Variants in XKR9 observed in about 807,000 individuals in gnomAD.
XKR9 encodes XK related 9.
In XKR9, 32 loss-of-function variants were observed where a neutral mutation model predicts 32.0. The ratio of observed to expected loss-of-function variants is 1.00; its 90% CI spans 0.76 to 1.34. The LOEUF is 1.34. Among genes scored for constraint, XKR9 ranks in the 40% most tolerant of loss-of-function variants. The pLI, the probability that XKR9 is intolerant of heterozygous loss-of-function variation, is 0.00. For missense variants in XKR9, 546 were observed against 429.7 expected, an observed-to-expected ratio of 1.27 and a Z score of -2.39; for synonymous variants, 168 against 143.4, an observed-to-expected ratio of 1.17 and a Z score of -1.22.
downstream of XKR9, among the ~76,000 whole-genome samples, chr8:70,739,506 C>G (rs1055535254): frequency 2.0e-5 from 3 of 152,150 alleles, no homozygotes; most frequent in African/African-American, 7.2e-5. Context: ...TTGATCCTGT[C>G]ATTATGATGT....
At chr8:71,045,085 G>A in the XKR9 span, among the ~76,000 whole-genome samples, 1 of 152,072 alleles carries the variant, frequency 6.6e-6, no homozygotes, top group Admixed American at 6.6e-5. Context: ...CTAGGTGTGG[G>A]GAGGAGGAGT....
intron 4 of XKR9, among the ~76,000 whole-genome samples, chr8:70,727,053 A>T (rs1249476584): frequency 6.6e-6 from 1 of 152,208 alleles, no homozygotes; most frequent in Non-Finnish European, 1.5e-5. Flanking sequence ...CTGCATTGAC[A>T]TGGTTAAATT....
intron 2 of XKR9, among the ~76,000 whole-genome samples, chr8:70,677,216 G>A (rs1320086654): frequency 6.9e-6 from 1 of 145,364 alleles, no homozygotes; most frequent in African/African-American, 2.4e-5. Flanking sequence ...TGCCATATCA[G>A]TTCACTGCAA....
At chr8:70,722,884 AT>A (rs772603876) in intron 4 of XKR9, among the ~76,000 whole-genome samples, 4 of 148,582 alleles carry the variant, frequency 2.7e-5, no homozygotes, top group African/African-American at 7.4e-5. Flanking sequence ...ATATCCTGAA[AT>A]TTTTTTTTTT....
chr8:70,674,544 T>C (rs1818822650), intron 1 of XKR9, among the ~76,000 whole-genome samples: 1 of 152,262 alleles, frequency 6.6e-6, no homozygotes, highest in Non-Finnish European at 1.5e-5. Context: ...AAACATGACA[T>C]GTTATCCATT....
At chr8:70,680,119 T>C (rs1819024745) in intron 2 of XKR9, among the ~76,000 whole-genome samples, 1 of 152,104 alleles carries the variant, frequency 6.6e-6, no homozygotes, top group Non-Finnish European at 1.5e-5. Flanking sequence ...ATAAATAGTA[T>C]ACAGTATTTA....
intron 2 of XKR9, among the ~76,000 whole-genome samples, chr8:70,759,953 G>C (rs1807285509): frequency 6.6e-6 from 1 of 152,086 alleles, no homozygotes; most frequent in South Asian, 2.1e-4. Context: ...AAAGACTACA[G>C]CTTATTTTAA....
At chr8:71,049,586 G>T in the XKR9 span, among the ~76,000 whole-genome samples, 1 of 152,302 alleles carries the variant, frequency 6.6e-6, no homozygotes. Context: ...TCAGAGCTCT[G>T]TTAACATACA....
the XKR9 span, among the ~76,000 whole-genome samples, chr8:70,993,225 C>T: frequency 6.6e-6 from 1 of 152,182 alleles, no homozygotes; most frequent in Non-Finnish European, 1.5e-5. Flanking sequence ...CGGTCTGTGT[C>T]CACAAGCTGA....
At chr8:70,711,244 T>G (rs1805909697) in intron 4 of XKR9, among the ~76,000 whole-genome samples, 1 of 152,144 alleles carries the variant, frequency 6.6e-6, no homozygotes, top group Non-Finnish European at 1.5e-5. Context: ...TAAAACAGAA[T>G]TACCATTCAA....
chr8:71,038,031 C>G, the XKR9 span, among the ~76,000 whole-genome samples: 1 of 152,230 alleles, frequency 6.6e-6, no homozygotes, highest in Admixed American at 6.5e-5. Flanking sequence ...GTACTGAAAG[C>G]AGGTGTGTAT....
the XKR9 span, among the ~76,000 whole-genome samples, chr8:70,855,204 G>A: frequency 6.6e-5 from 10 of 151,902 alleles, no homozygotes; most frequent in Admixed American, 2.0e-4. Flanking sequence ...AGTTTGAACC[G>A]ATGGCAAAGA....
chr8:70,897,829 A>G, the XKR9 span, among the ~76,000 whole-genome samples: 3 of 151,898 alleles, frequency 2.0e-5, no homozygotes, highest in African/African-American at 7.3e-5. Flanking sequence ...TTATCTCTTC[A>G]CTTTGTGGAT....
the XKR9 span, among the ~76,000 whole-genome samples, chr8:71,039,324 C>T: frequency 2.0e-5 from 3 of 152,332 alleles, no homozygotes; most frequent in East Asian, 5.8e-4. Flanking sequence ...ATGTCCCAAA[C>T]ATCATAGGTG....
chr8:70,735,020 C>G lies in XKR9; in HGVS notation c.*596C>G, dbSNP rs1806818399. On this transcript the variant is annotated 3_prime_UTR_variant, in exon 5 of 5. Transcript: ENST00000408926. ...TTCCTAGCTTTTCTGAATTAATGCA[C>G]TCTTAACATATAATTATATTAATCC... is the stretch of plus-strand genomic sequence containing the variant. 1 of 152,148 alleles carries G rather than the reference C, an allele frequency of 6.6e-6. No homozygotes were observed. The allele number at this position is 152,148 out of a possible 1,614,324, so 9.4% of individuals were successfully genotyped here.
At chr8:70,774,008 C>G (rs1807487350) in intron 2 of XKR9, among the ~76,000 whole-genome samples, 1 of 152,116 alleles carries the variant, frequency 6.6e-6, no homozygotes, top group African/African-American at 2.4e-5. Context: ...TTTCTTTGTA[C>G]AAGTCACCTT....
chr8:70,774,172 G>A (rs1439272164), intron 2 of XKR9, among the ~76,000 whole-genome samples: 2 of 152,176 alleles, frequency 1.3e-5, no homozygotes. Flanking sequence ...GATACAGGTT[G>A]ACAGAGATTC....
chr8:70,690,105 T>A (rs1269896122), intron 3 of XKR9, among the ~76,000 whole-genome samples: 1 of 152,214 alleles, frequency 6.6e-6, no homozygotes, highest in Non-Finnish European at 1.5e-5. Flanking sequence ...TCTTTCTTTT[T>A]AAAAATTTTT....
intron 3 of XKR9, among the ~76,000 whole-genome samples, chr8:70,691,391 G>T (rs752285992): frequency 1.3e-5 from 2 of 152,018 alleles, no homozygotes; most frequent in Admixed American, 6.6e-5. Context: ...AGTTTCTTTC[G>T]CTGTACAGAA....
Sources: gnomAD v4.1 joint callset for allele counts (sites outside exome capture counted in the v4.1 genomes callset) on GRCh38, gnomAD v4.1.1 for gene constraint, MANE v1.5 for transcripts, NCBI Gene and HGNC (gene_info 2026-07-23, HGNC 2026-07-21) for gene names.